Variants in MYO16 observed in about 807,000 individuals in gnomAD.
MYO16 encodes the protein myosin XVI.
In MYO16, 94 loss-of-function variants were observed where a neutral mutation model predicts 205.3. The observed-to-expected ratio is 0.46, with a 90% CI of 0.39 to 0.54. The LOEUF (loss-of-function observed/expected upper bound fraction) is 0.54. Ranked by LOEUF, MYO16 falls within the 20% of genes least tolerant of loss-of-function variation. The probability of loss-of-function intolerance (pLI) is 0.00; values close to 1 mark genes in which losing one functional copy is unlikely to be tolerated. For missense variants in MYO16, 2,315 were observed against 2,387.5 expected, an observed-to-expected ratio of 0.97 and a Z score of 0.63; for synonymous variants, 988 against 954.0, an observed-to-expected ratio of 1.04 and a Z score of -0.66.
At chr13:109,099,155 A>G (rs562895849) in intron 27 of MYO16, among the ~76,000 whole-genome samples, 1 of 152,290 alleles carries the variant, frequency 6.6e-6, no homozygotes, top group Non-Finnish European at 1.5e-5. Flanking sequence ...ACTGCACTGT[A>G]TGTTCATTAG....
intron 1 of MYO16, among the ~76,000 whole-genome samples, chr13:108,636,367 T>TG (rs1460236758): frequency 1.1e-3 from 67 of 58,478 alleles, no homozygotes; most frequent in Non-Finnish European, 1.6e-3. Context: ...TTTTTTTTTT[T>TG]TTTGTGTGTG....
At chr13:108,835,728 C>G (rs1048383757) in intron 9 of MYO16, among the ~76,000 whole-genome samples, 3 of 152,118 alleles carry the variant, frequency 2.0e-5, no homozygotes, top group African/African-American at 4.8e-5. Flanking sequence ...TTGTTGGGAA[C>G]TGGAACAAAG....
the MYO16 span, among the ~76,000 whole-genome samples, chr13:108,554,718 C>T: frequency 2.6e-5 from 4 of 151,762 alleles, no homozygotes; most frequent in Admixed American, 6.6e-5. Context: ...GGAGTGGTGG[C>T]GGGCGCCTGT....
intron 16 of MYO16, among the ~76,000 whole-genome samples, chr13:108,922,877 G>A (rs1291721834): frequency 6.6e-6 from 1 of 152,126 alleles, no homozygotes; most frequent in South Asian, 2.1e-4. Context: ...GAGTTTAGGA[G>A]GGAGACTATA....
At chr13:108,880,215 T>A (rs2139160401) in intron 12 of MYO16, among the ~76,000 whole-genome samples, 1 of 152,320 alleles carries the variant, frequency 6.6e-6, no homozygotes, top group African/African-American at 2.4e-5. Context: ...GGTTATTTGA[T>A]TTTTTCTTGT....
At chr13:108,869,250 A>G (rs1878888647) in intron 12 of MYO16, among the ~76,000 whole-genome samples, 1 of 152,148 alleles carries the variant, frequency 6.6e-6, no homozygotes, top group South Asian at 2.1e-4. Context: ...TCTTTTAACT[A>G]TATTCATTTA....
chr13:108,592,049 T>C (rs1878412153), upstream of MYO16, among the ~76,000 whole-genome samples: 3 of 148,666 alleles, frequency 2.0e-5, no homozygotes, highest in Admixed American at 2.0e-4. Context: ...AAAAATTTAA[T>C]TATATTGTGT....
chr13:109,197,038 A>G (rs72658228), intron 34 of MYO16, among the ~76,000 whole-genome samples: 18,547 of 152,180 alleles, frequency 0.12, 1,519 homozygotes, highest in Middle Eastern at 0.2. Context: ...TGGACATGTA[A>G]GTTTATTTGA....
At chr13:108,991,507 T>C (rs1242648780) in intron 20 of MYO16, among the ~76,000 whole-genome samples, 2 of 152,248 alleles carry the variant, frequency 1.3e-5, no homozygotes, top group African/African-American at 4.8e-5. Flanking sequence ...TGTGACTTAA[T>C]TGTGTTTTAC....
chr13:108,921,016 CAT>C (rs1489092981), intron 16 of MYO16, among the ~76,000 whole-genome samples: 1 of 152,208 alleles, frequency 6.6e-6, no homozygotes, highest in African/African-American at 2.4e-5. Flanking sequence ...CACAGTTCCA[CAT>C]GTGTGTGTGA....
chr13:108,726,659 A>G lies in MYO16; in HGVS notation c.364-781A>G, dbSNP rs112524855. Among the ~76,000 whole-genome samples, 727 of 152,250 alleles carry G rather than the reference A, an allele frequency of 4.8e-3. 3 individuals carry two copies. Among genetic ancestry groups the G allele is most frequent in the Admixed American group, 7.1e-3 (109 of 15,282 alleles). On this transcript the variant is annotated intron_variant, in intron 3 of 34. Transcript: ENST00000457511. ...AAATATCTGGGACTTTTCAAAATTGAACATTCAAGATGGTAAAGGCAGAAC... is the reference window on the plus strand; with the variant it reads ...AAATATCTGGGACTTTTCAAAATTGGACATTCAAGATGGTAAAGGCAGAAC...
At chr13:108,746,689 AAAAAG>A (rs907672534) in intron 4 of MYO16, among the ~76,000 whole-genome samples, 3 of 152,186 alleles carry the variant, frequency 2.0e-5, no homozygotes, top group Non-Finnish European at 4.4e-5. Flanking sequence ...ATTTAAAAAC[AAAAAG>A]AAAAGGGCGG....
chr13:109,179,465 T>C (rs1879362035), intron 33 of MYO16, 77 bp from the exon 34 acceptor site: 1 of 862,830 alleles, frequency 1.2e-6, no homozygotes, highest in Non-Finnish European at 2.0e-6. Flanking sequence ...TTCTAGTTTA[T>C]TGTAATGAGT....
chr13:108,873,087 CTTG>C (rs1879143879), intron 12 of MYO16, among the ~76,000 whole-genome samples: 3 of 152,182 alleles, frequency 2.0e-5, no homozygotes, highest in South Asian at 2.1e-4. Context: ...TTAAAACGAT[CTTG>C]TTGTCCTCAG....
intron 4 of MYO16, among the ~76,000 whole-genome samples, chr13:108,765,528 C>G (rs1326115913): frequency 6.6e-6 from 1 of 152,070 alleles, no homozygotes; most frequent in Admixed American, 6.6e-5. Flanking sequence ...AGATGGTTCT[C>G]CTGGGTTTTT....
intron 4 of MYO16, among the ~76,000 whole-genome samples, chr13:108,783,669 C>A (rs971343583): frequency 1.3e-5 from 2 of 152,156 alleles, no homozygotes; most frequent in Non-Finnish European, 2.9e-5. Flanking sequence ...GTGGGACAGA[C>A]CCAGGGAGAG....
chr13:108,769,103 C>T (rs967971299), intron 4 of MYO16, among the ~76,000 whole-genome samples: 1 of 152,150 alleles, frequency 6.6e-6, no homozygotes, highest in Non-Finnish European at 1.5e-5. Context: ...GGAGGGTATA[C>T]TATCAGTTAG....
At position 109,012,631 on chromosome 13, in the gene MYO16, G is replaced by T. The variant is rs367847131; in HGVS notation, c.2595+3582G>T. Among the ~76,000 whole-genome samples the T allele has an allele frequency of 2.4e-4, 36 of 152,084 alleles. No homozygotes were observed. The East Asian group carries it at 6.8e-3, about 29-fold the overall frequency. ...GTCTTCCACAAAACCGTTCCCTCTTGTCAAAAAGGTTGGGGCCCTCTAGTC... is the reference window on the plus strand; with the variant it reads ...GTCTTCCACAAAACCGTTCCCTCTTTTCAAAAAGGTTGGGGCCCTCTAGTC... On this transcript the variant is annotated intron_variant, in intron 22 of 34. Coordinates refer to ENST00000457511, the MANE Select transcript of MYO16 (RefSeq NM_001198950.3).
chr13:109,026,205 G>A (rs1458443547), intron 23 of MYO16, among the ~76,000 whole-genome samples: 1 of 152,160 alleles, frequency 6.6e-6, no homozygotes, highest in East Asian at 1.9e-4. Flanking sequence ...TGGAGACTGT[G>A]AATATGATCT....
Sources: gnomAD v4.1 joint callset for allele counts (sites outside exome capture counted in the v4.1 genomes callset) on GRCh38, gnomAD v4.1.1 for gene constraint, MANE v1.5 for transcripts, NCBI Gene and HGNC (gene_info 2026-07-23, HGNC 2026-07-21) for gene names.